SELENOS: variants seen among roughly 807,000 people sequenced by gnomAD.
The protein encoded by SELENOS is selenoprotein S.
SELENOS carries 37 observed loss-of-function variants against 30.2 expected under a neutral mutation model. That is an observed-to-expected ratio of 1.23 (90% CI 0.94 to 1.61). SELENOS has a LOEUF of 1.61. Ranked by LOEUF, SELENOS falls within the 40% of genes most tolerant of loss-of-function variation. The probability of loss-of-function intolerance (pLI) is 0.00; values close to 1 mark genes in which losing one functional copy is unlikely to be tolerated. For synonymous variants in SELENOS, 119 were observed against 91.6 expected (o/e 1.30, Z -1.71); for missense variants, 289 against 231.8 (o/e 1.25, Z -1.60).
rs1215693560 is a variant in SELENOS at position 101,272,482 on chromosome 15, T to C, written c.*289A>G. ...CAAAAGAACATTACTAGGCCTCTTT[T>C]ATCAAGATTGCTAATCATCTAGAGG... is the stretch of plus-strand genomic sequence containing the variant. On this transcript the variant is annotated 3_prime_UTR_variant, in exon 6 of 6. Coordinates refer to ENST00000526049, the MANE Select transcript of SELENOS (RefSeq NM_018445.6). The C allele has an allele frequency of 3.0e-6, 1 of 331,964 alleles. No homozygotes were observed. The highest frequency in any genetic ancestry group is 5.8e-5 in the East Asian group (1 of 17,186). 20.6% of individuals were successfully genotyped at this position (331,964 alleles called of 1,614,324 possible).
Position 101,277,411 on chromosome 15 carries a change from G to T in SELENOS, c.7C>A (p.Arg3Ser). The T allele has an allele frequency of 6.8e-7, 1 of 1,477,416 alleles. No individual in the cohort carries two copies. The allele number at this position is 1,477,416 out of a possible 1,614,324, so 91.5% of individuals were successfully genotyped here. ...CGCGCGGACAGAGACTCCTCTTGGC[G>T]TTCCATGACCGCCGCCGCCGCCGCC... ME[R>S]QEESLSARPA... Residue 3 changes from arginine (R) to serine (S), a missense_variant, in exon 1 of 6, where the codon CGC becomes AGC. Transcript: ENST00000526049.
intron 1 of SELENOS, 80 bp from the exon 2 acceptor site, chr15:101,276,755 T>C (rs1045541555): frequency 4.0e-6 from 6 of 1,513,880 alleles, no homozygotes; most frequent in Non-Finnish European, 5.3e-6. Context: ...AAACACAAAG[T>C]GTAACTCCTG....
At chr15:101,273,587 C>T (rs932397010) in intron 5 of SELENOS, among the ~76,000 whole-genome samples, 2 of 152,204 alleles carry the variant, frequency 1.3e-5, no homozygotes, top group Admixed American at 6.5e-5. Context: ...TAAATATCAC[C>T]TCTATGTGTC....
intron 5 of SELENOS, chr15:101,274,139 TGAC>T (rs1207291646): frequency 4.0e-6 from 2 of 498,050 alleles, no homozygotes; most frequent in Non-Finnish European, 3.6e-6. Context: ...TCCAGCTCCT[TGAC>T]ACTCATCTGA....
Position 101,274,445 on chromosome 15 carries a change from C to T in SELENOS, c.459G>A (p.Ser153=), listed in dbSNP as rs117645634. Reference sequence around the variant, plus strand: ...CTCCTCCCCGCAAAGGCTTTCTGTCCGATTTCCGTTTCAGGACAGATGAAG... The same window carrying T: ...CTCCTCCCCGCAAAGGCTTTCTGTCTGATTTCCGTTTCAGGACAGATGAAG... ...PSTSSVLKRK[S]DRKPLRGGGY... Residue 153 remains serine (S), a synonymous_variant, in exon 5 of 6, where the codon TCG becomes TCA. Coordinates refer to ENST00000526049, the MANE Select transcript of SELENOS (RefSeq NM_018445.6). 8.8e-3 allele frequency: 14,224 copies of T among 1,609,026 alleles called. 87 individuals are homozygous for T. Among genetic ancestry groups the T allele is most frequent in the Non-Finnish European group, 0.011 (12,441 of 1,177,440 alleles).
Position 101,276,960 on chromosome 15 carries a change from C to G in SELENOS, c.77-285G>C, listed in dbSNP as rs1314660727. ...AGAATGAAGAGCAACTAATCTGAAT[C>G]AGGAAGGCAAAGGCCTTTCAGAGCC... On this transcript the variant is annotated intron_variant, in intron 1 of 5. Coordinates refer to ENST00000526049, the MANE Select transcript of SELENOS (RefSeq NM_018445.6). The G allele has an allele frequency of 9.5e-6, 5 of 525,842 alleles. No homozygotes were observed. The Admixed American group carries it at 1.0e-4, about 11-fold the overall frequency. The allele number at this position is 525,842 out of a possible 1,614,324, so 32.6% of individuals were successfully genotyped here. A position where few individuals can be genotyped will look rare whatever the true frequency, so the allele number is the denominator to read the frequency against.
intron 5 of SELENOS, 56 bp from the exon 6 acceptor site, chr15:101,272,912 A>C: frequency 6.9e-7 from 1 of 1,455,768 alleles, no homozygotes; most frequent in Non-Finnish European, 9.5e-7. Context: ...AAATCTGGGA[A>C]CATTGTATAT....
Position 101,272,709 on chromosome 15 carries a change from G to A in SELENOS, c.*62C>T, listed in dbSNP as rs1355595817. On this transcript the variant is annotated 3_prime_UTR_variant, in exon 6 of 6. Transcript: ENST00000526049. ...AGTCACTGTGAAAAGCGTGCGTAAG[G>A]CAATTGAATCGAGGGTTAAGGGTTC... The A allele has an allele frequency of 1.3e-6, 2 of 1,511,880 alleles. No homozygotes were observed. Among genetic ancestry groups the A allele is most frequent in the Admixed American group, 3.9e-5 (2 of 51,182 alleles). 93.7% of individuals were successfully genotyped at this position (1,511,880 alleles called of 1,614,324 possible). A position where few individuals can be genotyped will look rare whatever the true frequency, so the allele number is the denominator to read the frequency against.
rs1031160327 is a variant in SELENOS at position 101,272,703 on chromosome 15, C to T, written c.*68G>A. On this transcript the variant is annotated 3_prime_UTR_variant, in exon 6 of 6. Transcript: ENST00000526049. ...TTGGCTAGTCACTGTGAAAAGCGTG[C>T]GTAAGGCAATTGAATCGAGGGTTAA... is the stretch of plus-strand genomic sequence containing the variant. 10 of 1,494,322 alleles carry T rather than the reference C, an allele frequency of 6.7e-6. No homozygotes were observed. Among genetic ancestry groups the T allele is most frequent in the East Asian group, 2.5e-5 (1 of 40,734 alleles). The allele number at this position is 1,494,322 out of a possible 1,614,324, so 92.6% of individuals were successfully genotyped here.
Position 101,274,284 on chromosome 15 carries a change from C to T in SELENOS, c.484+136G>A, listed in dbSNP as rs965580247. The T allele has an allele frequency of 3.9e-6, 4 of 1,017,904 alleles. No individual in the cohort carries two copies. The African/African-American group carries it at 6.4e-5, about 16-fold the overall frequency. The allele number at this position is 1,017,904 out of a possible 1,614,324, so 63.1% of individuals were successfully genotyped here. A position where few individuals can be genotyped will look rare whatever the true frequency, so the allele number is the denominator to read the frequency against. On this transcript the variant is annotated intron_variant, in intron 5 of 5. Coordinates refer to ENST00000526049, the MANE Select transcript of SELENOS (RefSeq NM_018445.6). ...CCTAGGAGGTGATTTGCATCTGTTT[C>T]CTTTATTGAATCTTCACAATCCTAA...
In SELENOS at chr15:101,276,414, A is replaced by ATTTTTT. The variant is rs57981941; in HGVS notation, c.211+121_211+126dup. On this transcript the variant is annotated intron_variant, in intron 2 of 5. Transcript: ENST00000526049. ...CAGGTGCGTGCCGCCACTCCCGGCT[A>ATTTTTT]TTTTTTTTTTTTTTAAATAGAGACA... The ATTTTTT allele has an allele frequency of 4.3e-4, 417 of 975,186 alleles. 2 individuals are homozygous for ATTTTTT. In the African/African-American group the frequency reaches 6.8e-3, roughly 16 times the overall value. 60.4% of individuals were successfully genotyped at this position (975,186 alleles called of 1,614,324 possible).
rs946136469 is a variant in SELENOS at position 101,274,362 on chromosome 15, G to T, written c.484+58C>A. On this transcript the variant is annotated intron_variant, in intron 5 of 5. Transcript: ENST00000526049. ...AAACAAACAATCTTGTTCCTAAAAG[G>T]TAACTATATCCTGTAAGTGTTGAAA... is the stretch of plus-strand genomic sequence containing the variant. The T allele has an allele frequency of 5.9e-6, 9 of 1,519,532 alleles. No homozygotes were observed. In the African/African-American group the frequency reaches 1.2e-4, roughly 21 times the overall value. 94.1% of individuals were successfully genotyped at this position (1,519,532 alleles called of 1,614,324 possible). A position where few individuals can be genotyped will look rare whatever the true frequency, so the allele number is the denominator to read the frequency against.
chr15:101,271,160 T>C (rs1343881500), downstream of SELENOS: 1 of 152,222 alleles, frequency 6.6e-6, no homozygotes, highest in African/African-American at 2.4e-5. Flanking sequence ...GATGTGTAGT[T>C]GACAGCCACT....
chr15:101,271,133 A>G (rs1477842487), downstream of SELENOS: 5 of 152,290 alleles, frequency 3.3e-5, no homozygotes, highest in Non-Finnish European at 7.3e-5. Flanking sequence ...CCCGACCCAG[A>G]GCCCCTCTAC....
chr15:101,276,772 A>G, intron 1 of SELENOS, 97 bp from the exon 2 acceptor site: 1 of 1,444,768 alleles, frequency 6.9e-7, no homozygotes, highest in Non-Finnish European at 9.4e-7. Flanking sequence ...CCTGCCCTCA[A>G]AGCCTTCATG....
In SELENOS at chr15:101,276,590, C is replaced by T; in HGVS notation, c.162G>A (p.Arg54=). The T allele has an allele frequency of 6.2e-7, 1 of 1,613,796 alleles. No individual in the cohort carries two copies. The highest frequency in any genetic ancestry group is 8.5e-7 in the Non-Finnish European group (1 of 1,179,830). The part of the protein sequence containing the change: ...LYVVFQKLSA[R]LRALRQRQLD... ...GCTGCCTCTGCCTCAAGGCTCTTAG[C>T]CGGGCGGAAAGCTTCTGAAAGACCA... The change falls in exon 2 of 6, where the codon CGG becomes CGA. Residue 54 remains arginine (R), a synonymous_variant. Coordinates refer to ENST00000526049, the MANE Select transcript of SELENOS (RefSeq NM_018445.6).
intron 1 of SELENOS, chr15:101,277,103 G>A (rs1291157681): frequency 4.0e-6 from 3 of 749,680 alleles, no homozygotes; most frequent in Non-Finnish European, 4.5e-6. Flanking sequence ...GGAAGGGCTT[G>A]GTTCGCAAAA....
In SELENOS at chr15:101,275,256, T is replaced by C; in HGVS notation, c.317A>G (p.Gln106Arg). 3 of 1,547,792 alleles carry C rather than the reference T, an allele frequency of 1.9e-6. No homozygotes were observed. The highest frequency in any genetic ancestry group is 2.6e-6 in the Non-Finnish European group (3 of 1,146,742). The change falls in exon 3 of 6, where the codon CAA becomes CGA. Residue 106 changes from glutamine to arginine, a missense_variant and splice_region_variant. Gln to Arg is a conservative substitution (Grantham distance 43). Transcript: ENST00000526049. ...ATTCAAACTGAAACCAGTTCATACT[T>C]GTTTCAGTTTTTCCTTATGCTTTTC... Reference protein sequence around the residue: ...QVEKHKEKLKQLEEEKRRQKI... With the variant: ...QVEKHKEKLKRLEEEKRRQKI...
rs1423045177 is a variant in SELENOS at position 101,274,438 on chromosome 15, T to G, written c.466A>C (p.Lys156Gln). ...TGCTTACCTCCTCCCCGCAAAGGCT[T>G]TCTGTCCGATTTCCGTTTCAGGACA... ...SSVLKRKSDR[K>Q]PLRGGGYNPL... The change falls in exon 5 of 6, where the codon AAG becomes CAG. Residue 156 changes from lysine (K) to glutamine (Q), a missense_variant. Transcript: ENST00000526049. 14 of 1,608,786 alleles carry G rather than the reference T, an allele frequency of 8.7e-6. No homozygotes were observed. The highest frequency in any genetic ancestry group is 1.2e-5 in the Non-Finnish European group (14 of 1,177,360).
Sources: allele counts gnomAD v4.1 joint callset (sites outside exome capture counted in the v4.1 genomes callset), GRCh38; gene constraint gnomAD v4.1.1; transcripts MANE v1.5; gene names NCBI Gene and HGNC (gene_info 2026-07-23, HGNC 2026-07-21).